Variants in C8orf34 observed in about 807,000 individuals in gnomAD.
C8orf34 encodes the protein chromosome 8 open reading frame 34, also known as uncharacterized protein C8orf34.
Under a neutral mutation model 68.3 loss-of-function variants are expected in C8orf34, and 65 were observed. That is an observed-to-expected ratio of 0.95 (90% CI 0.78 to 1.17). The LOEUF is 1.17. Ranked by LOEUF, C8orf34 falls within the 50% of genes most tolerant of loss-of-function variation. C8orf34 has a pLI of 0.00. For synonymous variants in C8orf34, 244 were observed against 241.2 expected, an observed-to-expected ratio of 1.01 and a Z score of -0.11; for missense variants, 664 against 655.4, an observed-to-expected ratio of 1.01 and a Z score of -0.14.
chr8:68,614,442 A>C (rs1818129367), intron 7 of C8orf34, among the ~76,000 whole-genome samples: 1 of 152,128 alleles, frequency 6.6e-6, no homozygotes, highest in Non-Finnish European at 1.5e-5. Context: ...TTAAGTCTTT[A>C]ATCCATCTTG....
chr8:68,773,293 T>C (rs551778125), intron 10 of C8orf34, among the ~76,000 whole-genome samples: 24 of 152,342 alleles, frequency 1.6e-4, no homozygotes, highest in Non-Finnish European at 2.9e-4. Context: ...TCAGAGATAC[T>C]GATGCCTTAT....
At chr8:68,404,667 C>G (rs1586066301) in intron 1 of C8orf34, among the ~76,000 whole-genome samples, 1 of 152,232 alleles carries the variant, frequency 6.6e-6, no homozygotes, top group Non-Finnish European at 1.5e-5. Context: ...TCAGGTTTGT[C>G]AAAGATCAGA....
At chr8:68,704,063 T>C (rs1338936418) in intron 8 of C8orf34, among the ~76,000 whole-genome samples, 1 of 152,202 alleles carries the variant, frequency 6.6e-6, no homozygotes, top group Non-Finnish European at 1.5e-5. Context: ...AAATCTCTTT[T>C]AGAGTTTAAA....
At chr8:68,410,177 G>A (rs1487539072) in intron 1 of C8orf34, among the ~76,000 whole-genome samples, 1 of 152,162 alleles carries the variant, frequency 6.6e-6, no homozygotes, top group Admixed American at 6.6e-5. Context: ...CTCTCTACTT[G>A]AATAGATACC....
intron 12 of C8orf34, among the ~76,000 whole-genome samples, chr8:68,814,049 T>A (rs924943327): frequency 3.3e-5 from 5 of 152,332 alleles, no homozygotes; most frequent in Non-Finnish European, 7.4e-5. Context: ...AAACCTGCAC[T>A]TCAGTCTTGT....
intron 10 of C8orf34, among the ~76,000 whole-genome samples, chr8:68,729,136 A>G (rs555523148): frequency 6.6e-6 from 1 of 152,384 alleles, no homozygotes; most frequent in African/African-American, 2.4e-5. Context: ...TTGGACAGCA[A>G]GAGCATTGCT....
At chr8:68,685,117 C>G (rs551427132) in intron 8 of C8orf34, among the ~76,000 whole-genome samples, 1 of 152,032 alleles carries the variant, frequency 6.6e-6, no homozygotes, top group Admixed American at 6.5e-5. Context: ...TGTTTTAACT[C>G]TTTCATACTA....
chr8:68,436,675 T>C (rs1185021726), intron 1 of C8orf34, among the ~76,000 whole-genome samples: 1 of 152,182 alleles, frequency 6.6e-6, no homozygotes, highest in Non-Finnish European at 1.5e-5. Context: ...GTTCAGCTTA[T>C]GTACCTGAAA....
At position 68,396,143 on chromosome 8, in the gene C8orf34, ACT is replaced by A. The variant is rs1161412431; in HGVS notation, c.328-43355_328-43354del. ...CATATTTTTTTCTCAACCCCTGCAC[ACT>A]GTGACCCCACCTCCAAACAATAGAA... is the stretch of plus-strand genomic sequence containing the variant. On this transcript the variant is annotated intron_variant, in intron 1 of 13. Coordinates refer to ENST00000518698, the MANE Select transcript of C8orf34 (RefSeq NM_052958.4). 8.5e-5 allele frequency among the ~76,000 whole-genome samples: 13 copies of A among 152,114 alleles called. 1 individual carries two copies. The highest frequency in any genetic ancestry group is 3.1e-4 in the African/African-American group (13 of 41,514).
intron 2 of C8orf34, 34 bp from the exon 3 acceptor site, chr8:68,446,295 T>G: frequency 6.5e-7 from 1 of 1,542,158 alleles, no homozygotes. Context: ...TGAAATCACT[T>G]TGTTGCCATT....
chr8:68,630,077 A>G (rs1818646325), intron 7 of C8orf34, among the ~76,000 whole-genome samples: 1 of 152,118 alleles, frequency 6.6e-6, no homozygotes, highest in Non-Finnish European at 1.5e-5. Context: ...AATAGAACAT[A>G]GGAGAGTTTA....
intron 1 of C8orf34, among the ~76,000 whole-genome samples, chr8:68,433,007 A>C (rs1810511399): frequency 6.6e-6 from 1 of 152,192 alleles, no homozygotes; most frequent in South Asian, 2.1e-4. Flanking sequence ...CATCAATTTT[A>C]AATGGGGGCA....
At chr8:68,393,285 A>C (rs1392311621) in intron 1 of C8orf34, among the ~76,000 whole-genome samples, 1 of 152,160 alleles carries the variant, frequency 6.6e-6, no homozygotes, top group African/African-American at 2.4e-5. Context: ...ATTAAATATA[A>C]AAATGTAGAG....
intron 1 of C8orf34, among the ~76,000 whole-genome samples, chr8:68,401,377 T>G (rs62521810): frequency 0.097 from 14,733 of 152,166 alleles, 994 homozygotes; most frequent in Non-Finnish European, 0.14. Context: ...TCCTGTCTCT[T>G]GCCTAATTGT....
chr8:68,525,697 T>C (rs1210328516), intron 6 of C8orf34: 1 of 660,750 alleles, frequency 1.5e-6, no homozygotes, highest in African/African-American at 1.8e-5. Context: ...TCACTCCATA[T>C]TTGTTTAGCC....
Position 68,642,430 on chromosome 8 carries a change from G to T in C8orf34, c.1241+1919G>T, listed in dbSNP as rs555182797. ...AGAAAAAACAAGTATCAGTTGTCGA[G>T]AACTATAGAGAATCTGAGATTTTTT... On this transcript the variant is annotated intron_variant, in intron 8 of 13. Transcript: ENST00000518698. Among the ~76,000 whole-genome samples, 9 of 152,256 alleles carry T rather than the reference G, an allele frequency of 5.9e-5. No individual in the cohort carries two copies. In the South Asian group the frequency reaches 1.9e-3, roughly 32 times the overall value.
intron 1 of C8orf34, among the ~76,000 whole-genome samples, chr8:68,368,104 A>G (rs974281054): frequency 2.6e-5 from 4 of 152,046 alleles, no homozygotes; most frequent in Non-Finnish European, 4.4e-5. Flanking sequence ...AGCTCAGCAA[A>G]GTCATTATGC....
At chr8:68,420,005 A>G (rs1397528592) in intron 1 of C8orf34, among the ~76,000 whole-genome samples, 2 of 147,170 alleles carry the variant, frequency 1.4e-5, no homozygotes, top group Non-Finnish European at 1.5e-5. Context: ...AAAAAAGACA[A>G]AAAAAAAAGA....
At chr8:68,776,767 G>C (rs1823531408) in intron 11 of C8orf34, among the ~76,000 whole-genome samples, 1 of 152,034 alleles carries the variant, frequency 6.6e-6, no homozygotes, top group Non-Finnish European at 1.5e-5. Flanking sequence ...TTACATTGGA[G>C]TGTGCACAAA....
Sources: gnomAD v4.1 joint callset for allele counts (sites outside exome capture counted in the v4.1 genomes callset) on GRCh38, gnomAD v4.1.1 for gene constraint, MANE v1.5 for transcripts, NCBI Gene and HGNC (gene_info 2026-07-23, HGNC 2026-07-21) for gene names.